Variants in DLG2 observed in about 807,000 individuals in gnomAD.
DLG2 encodes the protein disks large homolog 2.
DLG2 carries 45 observed loss-of-function variants against 132.5 expected under a neutral mutation model. The observed-to-expected ratio is 0.34, with a 90% CI of 0.27 to 0.44. The LOEUF (loss-of-function observed/expected upper bound fraction) is 0.44. DLG2 is among the 20% of genes least tolerant of loss of function. DLG2 has a pLI of 1.00. For synonymous variants in DLG2, 424 were observed against 419.6 expected, an observed-to-expected ratio of 1.01 and a Z score of -0.13; for missense variants, 1,045 against 1,196.9, an observed-to-expected ratio of 0.87 and a Z score of 1.87.
intron 6 of DLG2, among the ~76,000 whole-genome samples, chr11:84,926,108 C>A (rs1421351488): frequency 6.6e-6 from 1 of 151,978 alleles, no homozygotes; most frequent in Non-Finnish European, 1.5e-5. Context: ...AAACATAAAA[C>A]TGAATGAAGC....
chr11:84,391,420 G>C (rs1032078351), intron 7 of DLG2, among the ~76,000 whole-genome samples: 2 of 152,142 alleles, frequency 1.3e-5, no homozygotes, highest in Non-Finnish European at 2.9e-5. Flanking sequence ...CATCCTTTGA[G>C]ACAGCTTAGT....
rs184493878 is a variant in DLG2, at chr11:83,549,458, C to A, written c.1941-7600G>T. ...ATTCAATGAGATGATAAAGGAAGAGCATTTCACATAATAACTGGCAAAACA... is the reference window on the plus strand; with the variant it reads ...ATTCAATGAGATGATAAAGGAAGAGAATTTCACATAATAACTGGCAAAACA... On this transcript the variant is annotated intron_variant, in intron 19 of 27. Transcript: ENST00000376104. Among the ~76,000 whole-genome samples the A allele has an allele frequency of 3.4e-3, 510 of 152,220 alleles. 1 individual carries two copies. Among genetic ancestry groups the A allele is most frequent in the Non-Finnish European group, 5.4e-3 (365 of 68,010 alleles).
chr11:85,078,105 T>C (rs968958386), intron 6 of DLG2, among the ~76,000 whole-genome samples: 1 of 151,556 alleles, frequency 6.6e-6, no homozygotes, highest in East Asian at 2.0e-4. Flanking sequence ...TATTGTTCTA[T>C]GGCCATAGTA....
At chr11:85,435,320 G>C (rs1418566671) in intron 3 of DLG2, among the ~76,000 whole-genome samples, 5 of 151,888 alleles carry the variant, frequency 3.3e-5, no homozygotes, top group Non-Finnish European at 5.9e-5. Context: ...TGGCTATCAG[G>C]CAAGAGAAAT....
intron 6 of DLG2, among the ~76,000 whole-genome samples, chr11:84,601,838 A>G (rs529258238): frequency 6.6e-6 from 1 of 152,058 alleles, no homozygotes; most frequent in African/African-American, 2.4e-5. Flanking sequence ...AATATTGCTA[A>G]AGGTCTGTGG....
At chr11:84,326,648 T>C (rs1444592703) in intron 7 of DLG2, among the ~76,000 whole-genome samples, 1 of 152,228 alleles carries the variant, frequency 6.6e-6, no homozygotes, top group Non-Finnish European at 1.5e-5. Flanking sequence ...ATATGTCATC[T>C]ATCCTGGAAA....
At chr11:84,849,460 T>C (rs539387541) in intron 6 of DLG2, among the ~76,000 whole-genome samples, 1 of 152,266 alleles carries the variant, frequency 6.6e-6, no homozygotes, top group South Asian at 2.1e-4. Flanking sequence ...ACCTCATCTT[T>C]TGCCATATTC....
At chr11:85,335,513 CTA>C (rs60085963) in intron 3 of DLG2, among the ~76,000 whole-genome samples, 35 of 152,242 alleles carry the variant, frequency 2.3e-4, no homozygotes, top group African/African-American at 6.5e-4. Flanking sequence ...TCTCAATGGA[CTA>C]TGTTATTATG....
intron 3 of DLG2, among the ~76,000 whole-genome samples, chr11:85,560,570 G>A (rs921389083): frequency 6.6e-6 from 1 of 151,802 alleles, no homozygotes; most frequent in African/African-American, 2.4e-5. Flanking sequence ...GTTGTGGGCT[G>A]GGGCTGGAAG....
At chr11:84,343,597 G>A (rs1015946725) in intron 7 of DLG2, among the ~76,000 whole-genome samples, 1 of 152,166 alleles carries the variant, frequency 6.6e-6, no homozygotes, top group Non-Finnish European at 1.5e-5. Context: ...TTGGAGAAGT[G>A]TTCAACAGGG....
intron 18 of DLG2, among the ~76,000 whole-genome samples, chr11:83,736,834 C>T (rs1366688210): frequency 6.6e-6 from 1 of 152,144 alleles, no homozygotes; most frequent in Non-Finnish European, 1.5e-5. Context: ...CAGAGTGCAG[C>T]AAAGTGATTC....
At chr11:85,532,996 C>G (rs1401061701) in intron 3 of DLG2, among the ~76,000 whole-genome samples, 1 of 150,174 alleles carries the variant, frequency 6.7e-6, no homozygotes, top group African/African-American at 2.5e-5. Context: ...ATTAGAGATG[C>G]CTAAGGTGTT....
intron 3 of DLG2, among the ~76,000 whole-genome samples, chr11:85,495,430 T>C (rs904109549): frequency 1.4e-4 from 21 of 152,076 alleles, no homozygotes; most frequent in African/African-American, 5.1e-4. Context: ...CTTAAACAAA[T>C]TTAAAAGAAA....
chr11:85,377,851 ATG>A (rs1219490385), intron 3 of DLG2, among the ~76,000 whole-genome samples: 8 of 149,596 alleles, frequency 5.3e-5, no homozygotes, highest in African/African-American at 1.2e-4. Flanking sequence ...GTATACATAT[ATG>A]TGTGTGTATA....
chr11:84,420,703 C>G (rs947396015), intron 7 of DLG2, among the ~76,000 whole-genome samples: 2 of 94,312 alleles, frequency 2.1e-5, no homozygotes, highest in African/African-American at 7.9e-5. Context: ...GAGTCTTGCT[C>G]TGTCGCCCAG....
chr11:83,799,556 T>G (rs2043780957), intron 17 of DLG2, among the ~76,000 whole-genome samples: 1 of 152,120 alleles, frequency 6.6e-6, no homozygotes, highest in Non-Finnish European at 1.5e-5. Flanking sequence ...CAGAGGAAGA[T>G]TCTATGCAGC....
intron 6 of DLG2, among the ~76,000 whole-genome samples, chr11:84,947,927 A>C (rs745814539): frequency 3.9e-5 from 6 of 152,230 alleles, no homozygotes; most frequent in Non-Finnish European, 7.3e-5. Context: ...CTGTTATTAA[A>C]TAACTTGTCC....
chr11:85,455,562 T>C (rs1389787909), intron 3 of DLG2, among the ~76,000 whole-genome samples: 1 of 152,202 alleles, frequency 6.6e-6, no homozygotes, highest in Non-Finnish European at 1.5e-5. Context: ...AGTACTATGC[T>C]GAATAAGAGT....
chr11:83,614,202 C>T (rs2060486479), intron 19 of DLG2, among the ~76,000 whole-genome samples: 1 of 152,090 alleles, frequency 6.6e-6, no homozygotes, highest in Non-Finnish European at 1.5e-5. Context: ...ACTGGGAGTA[C>T]CCTAAAGCAA....
Sources: gnomAD v4.1 joint callset for allele counts (sites outside exome capture counted in the v4.1 genomes callset) on GRCh38, gnomAD v4.1.1 for gene constraint, MANE v1.5 for transcripts, NCBI Gene and HGNC (gene_info 2026-07-23, HGNC 2026-07-21) for gene names.